Variants in GPR137B observed in about 807,000 individuals in gnomAD.
The protein encoded by GPR137B is G protein-coupled receptor 137B.
In GPR137B, 42 loss-of-function variants were observed where a neutral mutation model predicts 42.5. The observed-to-expected ratio is 0.99, with a 90% CI of 0.77 to 1.28. GPR137B has a LOEUF of 1.28. Among genes scored for constraint, GPR137B ranks in the 50% most tolerant of loss-of-function variants. GPR137B has a pLI of 0.00. For missense variants in GPR137B, 487 were observed against 493.9 expected (o/e 0.99, Z 0.13); for synonymous variants, 218 against 209.7 (o/e 1.04, Z -0.34).
intron 5 of GPR137B, among the ~76,000 whole-genome samples, chr1:236,193,714 G>C (rs111565258): frequency 0.018 from 2,740 of 151,998 alleles, 86 homozygotes; most frequent in African/African-American, 0.062. Context: ...TTTTAAACTG[G>C]GTTGTCTTTT....
chr1:236,143,942 G>A (rs1661609538), intron 1 of GPR137B, among the ~76,000 whole-genome samples: 1 of 152,170 alleles, frequency 6.6e-6, no homozygotes, highest in African/African-American at 2.4e-5. Context: ...ATTCCCATTA[G>A]CTTTCCAAGC....
chr1:236,205,370 A>G (rs1441449018), intron 6 of GPR137B, 120 bp downstream of exon 6: 1 of 782,846 alleles, frequency 1.3e-6, no homozygotes, highest in Non-Finnish European at 2.1e-6. Context: ...GTGGTATAAG[A>G]CTGGATTCTC....
chr1:236,144,321 G>C (rs1661623611), intron 1 of GPR137B, among the ~76,000 whole-genome samples: 1 of 152,010 alleles, frequency 6.6e-6, no homozygotes, highest in Non-Finnish European at 1.5e-5. Context: ...AGGCTGAGGT[G>C]GGAGGCGGAG....
intron 1 of GPR137B, among the ~76,000 whole-genome samples, chr1:236,158,882 G>A (rs776331235): frequency 7.2e-5 from 11 of 152,182 alleles, no homozygotes; most frequent in East Asian, 1.9e-4. Context: ...TGAATCAAGC[G>A]CAGGTTGGAA....
At chr1:236,168,591 A>G (rs927277293) in intron 1 of GPR137B, 115 bp from the exon 2 acceptor site, 8 of 761,810 alleles carry the variant, frequency 1.1e-5, no homozygotes, top group African/African-American at 1.7e-5. Flanking sequence ...TTTCAATTAT[A>G]AAAAACGTGC....
intron 5 of GPR137B, among the ~76,000 whole-genome samples, chr1:236,199,396 G>A (rs1260098069): frequency 6.6e-6 from 1 of 152,012 alleles, no homozygotes; most frequent in Non-Finnish European, 1.5e-5. Flanking sequence ...GGGTGATACT[G>A]GTTTCATAGA....
At chr1:236,175,611 C>T (rs1176399723) in intron 2 of GPR137B, among the ~76,000 whole-genome samples, 1 of 152,108 alleles carries the variant, frequency 6.6e-6, no homozygotes, top group African/African-American at 2.4e-5. Flanking sequence ...AACTCCCAAG[C>T]GGCCCTGCCT....
Position 236,178,608 on chromosome 1 carries a change from C to T in GPR137B, c.659C>T (p.Ser220Phe), listed in dbSNP as rs1256370561. The change falls in exon 3 of 7, where the codon TCC (serine) becomes TTC (phenylalanine). Residue 220 changes from serine to phenylalanine, a missense_variant. Coordinates refer to ENST00000366592, the MANE Select transcript of GPR137B (RefSeq NM_003272.4). Reference protein sequence around the residue: ...SICLYKISKMSLANIYLESKG... With the variant: ...SICLYKISKMFLANIYLESKG... ...TGTCTCTACAAAATCTCTAAGATGTCCTTAGCCAACATTTACTTGGAGTCC... is the reference window on the plus strand; with the variant it reads ...TGTCTCTACAAAATCTCTAAGATGTTCTTAGCCAACATTTACTTGGAGTCC... 1 of 1,609,800 alleles carries T rather than the reference C, an allele frequency of 6.2e-7. No individual in the cohort carries two copies. Among genetic ancestry groups the T allele is most frequent in the African/African-American group, 1.3e-5 (1 of 74,756 alleles).
chr1:236,203,009 TGTAG>T (rs1376776667), intron 5 of GPR137B, among the ~76,000 whole-genome samples: 2 of 152,216 alleles, frequency 1.3e-5, no homozygotes, highest in Non-Finnish European at 2.9e-5. Flanking sequence ...ATGAGTTCAC[TGTAG>T]GTGTGTGGAT....
Position 236,205,259 on chromosome 1 carries a change from C to G in GPR137B, c.1091+9C>G. ...CAGGGACTTCAGGGAGGGTAAGACC[C>G]TACTTCATGTTAGACAAGCCTCATC... On this transcript the variant is annotated intron_variant, in intron 6 of 6. Transcript: ENST00000366592. 1.2e-6 allele frequency: 2 copies of G among 1,600,932 alleles called. No individual in the cohort carries two copies.
intron 6 of GPR137B, among the ~76,000 whole-genome samples, chr1:236,205,997 G>A (rs1663649629): frequency 1.3e-5 from 2 of 152,166 alleles, no homozygotes; most frequent in Non-Finnish European, 2.9e-5. Flanking sequence ...AAATGCAGTA[G>A]TATTTATTTA....
Position 236,159,722 on chromosome 1 carries a change from C to T in GPR137B, c.415-8984C>T, listed in dbSNP as rs1161255426. On this transcript the variant is annotated intron_variant, in intron 1 of 6. Coordinates refer to ENST00000366592, the MANE Select transcript of GPR137B (RefSeq NM_003272.4). Reference sequence around the variant, plus strand: ...ATTTATGAGGGCAGGGGGCAGAGTCCAGCAGCTGCTCAAAGGCCTTTATGC... The same window carrying T: ...ATTTATGAGGGCAGGGGGCAGAGTCTAGCAGCTGCTCAAAGGCCTTTATGC... Among the ~76,000 whole-genome samples, 5 of 152,200 alleles carry T rather than the reference C, an allele frequency of 3.3e-5. 1 individual carries two copies. Among genetic ancestry groups the T allele is most frequent in the African/African-American group, 7.2e-5 (3 of 41,448 alleles).
chr1:236,175,506 G>T (rs977292607), intron 2 of GPR137B, among the ~76,000 whole-genome samples: 4 of 152,214 alleles, frequency 2.6e-5, no homozygotes, highest in South Asian at 2.1e-4. Context: ...GTACACGCGG[G>T]TTCTGGATGT....
chr1:236,195,236 T>C (rs1228499145), intron 5 of GPR137B, among the ~76,000 whole-genome samples: 8 of 146,162 alleles, frequency 5.5e-5, no homozygotes, highest in South Asian at 2.2e-4. Flanking sequence ...TTTTTTTTTT[T>C]CCCCATTAAC....
chr1:236,205,365 A>G (rs1663626965), intron 6 of GPR137B, 115 bp downstream of exon 6: 4 of 783,284 alleles, frequency 5.1e-6, no homozygotes, highest in Non-Finnish European at 6.2e-6. Context: ...CTTAGGTGGT[A>G]TAAGACTGGA....
intron 4 of GPR137B, among the ~76,000 whole-genome samples, chr1:236,182,193 T>C (rs1662906349): frequency 6.6e-6 from 1 of 152,188 alleles, no homozygotes; most frequent in Admixed American, 6.5e-5. Flanking sequence ...TGGCTGGCCC[T>C]ATTTTAACCA....
chr1:236,181,410 C>T (rs1432391517), intron 4 of GPR137B, among the ~76,000 whole-genome samples: 1 of 152,088 alleles, frequency 6.6e-6, no homozygotes, highest in Non-Finnish European at 1.5e-5. Flanking sequence ...CATTCCCTGC[C>T]CTTTGGGAGC....
chr1:236,192,778 C>T lies in GPR137B; in HGVS notation c.966+8872C>T, dbSNP rs554540707. Among the ~76,000 whole-genome samples, 12 of 152,166 alleles carry T rather than the reference C, an allele frequency of 7.9e-5. No individual in the cohort carries two copies. The South Asian group carries it at 8.3e-4, about 11-fold the overall frequency. ...CTGGGAGCTGCAGACTGGAGCTGTT[C>T]CTATTCGGCCATCTAATAGGTGATA... On this transcript the variant is annotated intron_variant, in intron 5 of 6. Transcript: ENST00000366592.
chr1:236,190,141 GCTT>G lies in GPR137B; in HGVS notation c.966+6242_966+6244del, dbSNP rs201074370. Among the ~76,000 whole-genome samples, 16 of 119,118 alleles carry G rather than the reference GCTT, an allele frequency of 1.3e-4. No homozygotes were observed. The South Asian group carries it at 2.9e-3, about 22-fold the overall frequency. The allele number at this position is 119,118 out of a possible 152,430, so 78.1% of individuals were successfully genotyped here. ...ATCAGAGATTAGGACTGCAACTCCT[GCTT>G]CTTCTTTTTTTTTTTTTTTTTTTGC... On this transcript the variant is annotated intron_variant, in intron 5 of 6. Transcript: ENST00000366592.
Sources: gnomAD v4.1 joint callset for allele counts (sites outside exome capture counted in the v4.1 genomes callset) on GRCh38, gnomAD v4.1.1 for gene constraint, MANE v1.5 for transcripts, NCBI Gene and HGNC (gene_info 2026-07-23, HGNC 2026-07-21) for gene names.